SPATA17: variants seen among roughly 807,000 people sequenced by gnomAD.
SPATA17 encodes the protein spermatogenesis associated 17, also known as spermatogenesis-associated protein 17.
SPATA17 carries 53 observed loss-of-function variants against 62.2 expected under a neutral mutation model. The observed-to-expected ratio is 0.85, with a 90% CI of 0.68 to 1.07. The LOEUF is 1.07. SPATA17 is among the 50% of genes least tolerant of loss of function. The pLI, the probability that SPATA17 is intolerant of heterozygous loss-of-function variation, is 0.00. For missense variants in SPATA17, 466 were observed against 425.5 expected (o/e 1.10, Z -0.84); for synonymous variants, 146 against 146.8 (o/e 0.99, Z 0.04).
chr1:217,729,387 A>G (rs541579637), intron 5 of SPATA17, among the ~76,000 whole-genome samples: 12 of 152,352 alleles, frequency 7.9e-5, no homozygotes, highest in African/African-American at 2.6e-4. Context: ...TTACCTCAAG[A>G]TAACATTTCA....
chr1:217,864,282 A>G (rs1675957065), intron 10 of SPATA17, among the ~76,000 whole-genome samples: 1 of 152,200 alleles, frequency 6.6e-6, no homozygotes, highest in South Asian at 2.1e-4. Context: ...CCTGTTTATG[A>G]TAATGAAAGA....
chr1:217,789,178 AAAAC>A (rs1673939913), intron 8 of SPATA17, among the ~76,000 whole-genome samples: 1 of 152,212 alleles, frequency 6.6e-6, no homozygotes, highest in Non-Finnish European at 1.5e-5. Context: ...ATCTTTTAGA[AAAAC>A]AAAAAAGTAT....
At chr1:217,742,936 G>T (rs961474030) in intron 6 of SPATA17, among the ~76,000 whole-genome samples, 2 of 141,456 alleles carry the variant, frequency 1.4e-5, no homozygotes, top group Non-Finnish European at 3.1e-5. Flanking sequence ...ATCCTTAGAG[G>T]CATCCAAATT....
intron 4 of SPATA17, among the ~76,000 whole-genome samples, chr1:217,680,101 G>A (rs905234017): frequency 2.0e-5 from 3 of 152,112 alleles, no homozygotes; most frequent in Non-Finnish European, 4.4e-5. Flanking sequence ...TATGCAACTT[G>A]AATAACTTCT....
intron 9 of SPATA17, among the ~76,000 whole-genome samples, chr1:217,861,673 T>C (rs993556840): frequency 1.3e-5 from 2 of 152,200 alleles, no homozygotes; most frequent in African/African-American, 4.8e-5. Context: ...TATTTCATTA[T>C]GTAAAATTTT....
chr1:217,845,957 C>G (rs1413297194), intron 9 of SPATA17, among the ~76,000 whole-genome samples: 1 of 152,082 alleles, frequency 6.6e-6, no homozygotes, highest in African/African-American at 2.4e-5. Flanking sequence ...GGGGTCTAAA[C>G]ATTAATATAA....
chr1:217,866,127 A>G (rs182304544), intron 10 of SPATA17, among the ~76,000 whole-genome samples: 2 of 152,204 alleles, frequency 1.3e-5, no homozygotes, highest in East Asian at 3.9e-4. Context: ...ATAATTAAGC[A>G]TATAAGTTAT....
intron 6 of SPATA17, among the ~76,000 whole-genome samples, chr1:217,743,267 A>G (rs1672668129): frequency 2.6e-5 from 4 of 152,054 alleles, no homozygotes; most frequent in Admixed American, 2.0e-4. Flanking sequence ...AAAAGTCAAA[A>G]TATTTTAACT....
At chr1:217,674,247 A>G (rs530604685) in intron 4 of SPATA17, among the ~76,000 whole-genome samples, 1 of 152,314 alleles carries the variant, frequency 6.6e-6, no homozygotes, top group African/African-American at 2.4e-5. Flanking sequence ...TCTGAACTTC[A>G]GTTAGACTGA....
At position 217,801,760 on chromosome 1, in the gene SPATA17, C is replaced by A. The variant is rs760866982; in HGVS notation, c.915C>A (p.Ile305=). ...FSSYHKNEKY[I]PSMHLSSKYG... is the part of the protein sequence containing the mutation. ...CATACCATAAAAATGAAAAGTACAT[C>A]CCATCAATGCATTTATCAAGCAAGT... is the stretch of plus-strand genomic sequence containing the variant. The change falls in exon 9 of 11, where the codon ATC becomes ATA. Residue 305 remains isoleucine (I), a synonymous_variant. Transcript: ENST00000366933. The A allele has an allele frequency of 6.2e-7, 1 of 1,609,466 alleles. No homozygotes were observed. Among genetic ancestry groups the A allele is most frequent in the East Asian group, 2.2e-5 (1 of 44,668 alleles).
chr1:217,755,743 T>G (rs985341740), intron 6 of SPATA17, among the ~76,000 whole-genome samples: 1 of 152,126 alleles, frequency 6.6e-6, no homozygotes, highest in Non-Finnish European at 1.5e-5. Flanking sequence ...TTATAATACA[T>G]AATTAAATAA....
chr1:217,862,068 G>GAA (rs549453334), intron 9 of SPATA17, among the ~76,000 whole-genome samples: 6 of 130,140 alleles, frequency 4.6e-5, no homozygotes, highest in African/African-American at 5.7e-5. Flanking sequence ...GTTTTCTTAA[G>GAA]AAAAAAAAAA....
chr1:217,691,126 T>C (rs932328846), intron 5 of SPATA17, among the ~76,000 whole-genome samples: 7 of 147,420 alleles, frequency 4.7e-5, no homozygotes, highest in African/African-American at 1.7e-4. Flanking sequence ...AGTGTTCCTA[T>C]TTCTCCACAT....
intron 3 of SPATA17, among the ~76,000 whole-genome samples, chr1:217,657,622 G>C (rs1309763761): frequency 6.6e-6 from 1 of 152,040 alleles, no homozygotes; most frequent in Non-Finnish European, 1.5e-5. Flanking sequence ...TGATCTTACA[G>C]TTATATACAA....
At chr1:217,668,229 GA>G (rs2102896189) in intron 3 of SPATA17, among the ~76,000 whole-genome samples, 1 of 152,224 alleles carries the variant, frequency 6.6e-6, no homozygotes, top group South Asian at 2.1e-4. Context: ...GTACTGTCAT[GA>G]ATTATATTAA....
intron 6 of SPATA17, among the ~76,000 whole-genome samples, chr1:217,744,525 C>A (rs937279011): frequency 6.7e-6 from 1 of 150,052 alleles, no homozygotes; most frequent in Non-Finnish European, 1.5e-5. Flanking sequence ...GAATCATAGA[C>A]CTTAATGGAT....
chr1:217,814,866 A>C (rs2102993719), intron 9 of SPATA17, among the ~76,000 whole-genome samples: 1 of 152,076 alleles, frequency 6.6e-6, no homozygotes, highest in Non-Finnish European at 1.5e-5. Context: ...ATAAAATAAG[A>C]AGTTTGTAAG....
intron 4 of SPATA17, among the ~76,000 whole-genome samples, chr1:217,682,314 T>C (rs564975701): frequency 6.6e-6 from 1 of 151,350 alleles, no homozygotes; most frequent in Non-Finnish European, 1.5e-5. Context: ...ATAAGATATC[T>C]AGAAGCTGAC....
intron 9 of SPATA17, among the ~76,000 whole-genome samples, chr1:217,816,699 C>A (rs1255112940): frequency 6.6e-6 from 1 of 151,998 alleles, no homozygotes; most frequent in Non-Finnish European, 1.5e-5. Flanking sequence ...TAAGAAGTTA[C>A]TATCTTTTTG....
Sources: gnomAD v4.1 joint callset for allele counts (sites outside exome capture counted in the v4.1 genomes callset) on GRCh38, gnomAD v4.1.1 for gene constraint, MANE v1.5 for transcripts, NCBI Gene and HGNC (gene_info 2026-07-23, HGNC 2026-07-21) for gene names.